MYBBP1A: variants seen among roughly 807,000 people sequenced by gnomAD.
MYBBP1A encodes MYB binding protein 1a.
Under a neutral mutation model 136.3 loss-of-function variants are expected in MYBBP1A, and 147 were observed. The ratio of observed to expected loss-of-function variants is 1.08; its 90% CI spans 0.94 to 1.24. MYBBP1A has a LOEUF of 1.24. Among genes scored for constraint, MYBBP1A ranks in the 50% most tolerant of loss-of-function variants. The pLI is 0.00. For synonymous variants in MYBBP1A, 947 were observed against 735.8 expected (o/e 1.29, Z -4.65); for missense variants, 2,060 against 1,727.4 (o/e 1.19, Z -3.41).
At chr17:4,545,212 G>A (rs201715793) in intron 16 of MYBBP1A, 37 bp from the exon 17 acceptor site, 61 of 1,611,948 alleles carry the variant, frequency 3.8e-5, no homozygotes, top group Admixed American at 1.7e-4. Flanking sequence ...ACACCTCCCC[G>A]ATCGTCCCAC....
intron 19 of MYBBP1A, among the ~76,000 whole-genome samples, chr17:4,543,973 G>A (rs375024999): frequency 6.6e-6 from 1 of 152,172 alleles, no homozygotes; most frequent in African/African-American, 2.4e-5. Flanking sequence ...GGGGGTCTGT[G>A]GCCTCGCTGC....
chr17:4,554,314 A>G, intron 2 of MYBBP1A, 36 bp from the exon 3 acceptor site: 1 of 1,591,032 alleles, frequency 6.3e-7, no homozygotes, highest in African/African-American at 1.3e-5. Flanking sequence ...AAGAGGGTTC[A>G]GGAGAGTGGC....
intron 18 of MYBBP1A, 44 bp downstream of exon 18, chr17:4,544,707 C>CACACA (rs2144449109): frequency 6.9e-7 from 1 of 1,445,856 alleles, no homozygotes; most frequent in African/African-American, 1.6e-5. Context: ...CGGGGGTGGG[C>CACACA]GCACAGGGAG....
At chr17:4,545,210 C>T (rs202129429) in intron 16 of MYBBP1A, 35 bp from the exon 17 acceptor site, 1 of 1,613,022 alleles carries the variant, frequency 6.2e-7, no homozygotes, top group Non-Finnish European at 8.5e-7. Flanking sequence ...ACACACCTCC[C>T]CGATCGTCCC....
intron 19 of MYBBP1A, 40 bp from the exon 20 acceptor site, chr17:4,543,205 G>A (rs565202325): frequency 2.5e-5 from 39 of 1,557,244 alleles, no homozygotes; most frequent in Middle Eastern, 3.4e-4. Flanking sequence ...GAACATTCTC[G>A]GTCCACCCTG....
At position 4,554,891 on chromosome 17, in the gene MYBBP1A, G is replaced by A. The variant is rs1907886003; in HGVS notation, c.264C>T (p.Ala88=). ...ITGLGVGRET[A]RPCYSLALAQ... is the part of the protein sequence containing the mutation. ...CCAGGGCCAAACTGTAGCAGGGCCG[G>A]GCTGTTTCTCGCCCGACCCCGAGTC... Residue 88 remains alanine, a synonymous_variant, in exon 2 of 26, where the codon GCC becomes GCT. Transcript: ENST00000254718. The A allele has an allele frequency of 6.2e-7, 1 of 1,613,464 alleles. No individual in the cohort carries two copies. The highest frequency in any genetic ancestry group is 8.5e-7 in the Non-Finnish European group (1 of 1,180,036).
chr17:4,550,110 C>T lies in MYBBP1A; in HGVS notation c.1267G>A (p.Val423Ile). The T allele has an allele frequency of 6.2e-7, 1 of 1,614,006 alleles. No homozygotes were observed. The highest frequency in any genetic ancestry group is 8.5e-7 in the Non-Finnish European group (1 of 1,179,990). The change falls in exon 9 of 26, where the codon GTT (valine) becomes ATT (isoleucine). Residue 423 changes from valine (V) to isoleucine (I), a missense_variant. Transcript: ENST00000254718. ...MFLQPDLDSL[V>I]DFSTNNQKKA... ...TTCTGGTTGTTGGTGCTGAAGTCAA[C>T]CAAGGAGTCCAGGTCTGGCTGGAGA...
Position 4,548,135 on chromosome 17 carries a change from G to T in MYBBP1A, c.1724+8C>A. On this transcript the variant is annotated splice_region_variant and intron_variant, in intron 12 of 25. Coordinates refer to ENST00000254718, the MANE Select transcript of MYBBP1A (RefSeq NM_014520.4). The surrounding 1 kb of genome is among the most constrained non-coding windows in gnomAD (Gnocchi z 4.2). ...CCTGCCCACCCCCTGGAAATCCCAC[G>T]TGCTCACCGGTCCCAGGCCTGGCGC... 6.2e-7 allele frequency: 1 copy of T among 1,604,442 alleles called. No individual in the cohort carries two copies. The highest frequency in any genetic ancestry group is 1.3e-5 in the African/African-American group (1 of 75,038).
At chr17:4,540,084 G>T in intron 25 of MYBBP1A, 117 bp from the exon 26 acceptor site, 1 of 1,300,158 alleles carries the variant, frequency 7.7e-7, no homozygotes, top group Non-Finnish European at 1.1e-6. Context: ...GTTCTGTGAG[G>T]CCCCTATGAG....
intron 23 of MYBBP1A, 57 bp downstream of exon 23, chr17:4,541,727 G>C (rs567796773): frequency 6.6e-7 from 1 of 1,518,098 alleles, no homozygotes; most frequent in Non-Finnish European, 9.1e-7. Context: ...CCCAGAGATC[G>C]GTCTCCCGGA....
rs200890280 is a variant in MYBBP1A, at chr17:4,549,295, C to T, written c.1430+37G>A. On this transcript the variant is annotated intron_variant, in intron 10 of 25. Coordinates refer to ENST00000254718, the MANE Select transcript of MYBBP1A (RefSeq NM_014520.4). The stretch of plus-strand genomic sequence containing the variant: ...TAAGGGGCCCCATTCCTTGGCCACA[C>T]GCCCATGGGAAGCTGGGAATCCAGC... 215 of 1,588,172 alleles carry T rather than the reference C, an allele frequency of 1.4e-4. No homozygotes were observed. In the African/African-American group the frequency reaches 2.4e-3, roughly 18 times the overall value.
chr17:4,551,790 AG>A, intron 8 of MYBBP1A, 89 bp downstream of exon 8: 1 of 1,148,736 alleles, frequency 8.7e-7, no homozygotes, highest in Admixed American at 1.9e-5. Flanking sequence ...GCTCTAGCCA[AG>A]CCCCCGAGGT....
In MYBBP1A at chr17:4,552,046, G is replaced by C. The variant is rs1597388873; in HGVS notation, c.906-49C>G. On this transcript the variant is annotated intron_variant, in intron 7 of 25. Coordinates refer to ENST00000254718, the MANE Select transcript of MYBBP1A (RefSeq NM_014520.4). This position sits in a 1 kb window ranked among gnomAD's most constrained non-coding sequence, Gnocchi z 4.7. ...CTGGTCAGAGCCCTTGGTGCCCCTG[G>C]TGGGAACCTCAGGACTAGTGGCCTA... 1 of 1,594,476 alleles carries C rather than the reference G, an allele frequency of 6.3e-7. No individual in the cohort carries two copies. The highest frequency in any genetic ancestry group is 1.3e-5 in the African/African-American group (1 of 74,796).
Position 4,549,453 on chromosome 17 carries a change from A to G in MYBBP1A, c.1320-11T>C, listed in dbSNP as rs1907309563. On this transcript the variant is annotated splice_polypyrimidine_tract_variant and intron_variant, in intron 9 of 25. Coordinates refer to ENST00000254718, the MANE Select transcript of MYBBP1A (RefSeq NM_014520.4). ...ACAGCTCGCTCAGGCCTAGCGGGGC[A>G]GGAGGCGAGGTCATGTGAGCCACTT... 6.2e-7 allele frequency: 1 copy of G among 1,610,150 alleles called. No homozygotes were observed. Among genetic ancestry groups the G allele is most frequent in the East Asian group, 2.2e-5 (1 of 44,798 alleles).
In MYBBP1A at chr17:4,540,354, C is replaced by T. The variant is rs765450606; in HGVS notation, c.3428G>A (p.Gly1143Glu). ...TCCCCCTCCCAGAACCTACTGGACT[C>T]CCAGGGTTTTCATGGCCTGCCAGTA... ...DLYWQAMKTL[G>E]VQRPKLEKKD... The change falls in exon 25 of 26, where the codon GGA (glycine) becomes GAA (glutamate). Residue 1143 changes from glycine to glutamate, a missense_variant. By Grantham distance (98) the Gly-to-Glu change is moderately conservative. Transcript: ENST00000254718. The T allele has an allele frequency of 6.2e-7, 1 of 1,606,548 alleles. No individual in the cohort carries two copies. The highest frequency in any genetic ancestry group is 1.7e-5 in the Admixed American group (1 of 59,864).
At position 4,552,304 on chromosome 17, in the gene MYBBP1A, A is replaced by C. The variant is rs1233490217; in HGVS notation, c.738-12T>G. The C allele has an allele frequency of 6.2e-7, 1 of 1,613,794 alleles. No homozygotes were observed. The highest frequency in any genetic ancestry group is 2.2e-5 in the East Asian group (1 of 44,872). On this transcript the variant is annotated splice_polypyrimidine_tract_variant and intron_variant, in intron 6 of 25. Transcript: ENST00000254718. The surrounding 1 kb of genome is among the most constrained non-coding windows in gnomAD (Gnocchi z 4.7). ...GCACATTCACCAGCCTGCGGAGGGC[A>C]AGGGACTCAGGGAACACTTGCCTCA...
intron 19 of MYBBP1A, 112 bp downstream of exon 19, chr17:4,544,364 AGCTAGGGGCCCAG>A (rs1393166738): frequency 1.6e-6 from 2 of 1,288,718 alleles, no homozygotes; most frequent in Non-Finnish European, 2.1e-6. Flanking sequence ...TGAGCCTGCG[AGCTAGGGGCCCAG>A]GCTGGAAGCT....
chr17:4,539,461 C>A lies in MYBBP1A; in HGVS notation c.3941G>T (p.Ser1314Ile). 13 of 1,614,144 alleles carry A rather than the reference C, an allele frequency of 8.1e-6. No homozygotes were observed. Among genetic ancestry groups the A allele is most frequent in the Non-Finnish European group, 1.1e-5 (13 of 1,180,008 alleles). Residue 1314 changes from serine to isoleucine, a missense_variant, in exon 26 of 26, where the codon AGT becomes ATT. Ser to Ile is a moderately radical substitution (Grantham distance 142). Transcript: ENST00000254718. ...LVIRSPSLLQ[S>I]GAKKKAQVRK... ...CACCTGTGCTTTCTTCTTGGCCCCA[C>A]TCTGAAGCAGGCTGGGACTCCTGAT...
At chr17:4,546,542 G>A (rs960071382) in intron 13 of MYBBP1A, among the ~76,000 whole-genome samples, 3 of 152,186 alleles carry the variant, frequency 2.0e-5, no homozygotes, top group Non-Finnish European at 4.4e-5. Context: ...AGGATGGTCA[G>A]GGTCCCAGAG....
Sources: gnomAD v4.1 joint callset for allele counts (sites outside exome capture counted in the v4.1 genomes callset) on GRCh38, gnomAD v4.1.1 for gene constraint, Gnocchi (gnomAD v3.1) non-coding constraint, MANE v1.5 for transcripts, NCBI Gene and HGNC (gene_info 2026-07-23, HGNC 2026-07-21) for gene names.